Variants in PTPN5 observed in about 807,000 individuals in gnomAD.
The protein encoded by PTPN5 is protein tyrosine phosphatase non-receptor type 5, also known as tyrosine-protein phosphatase non-receptor type 5.
In PTPN5, 29 loss-of-function variants were observed where a neutral mutation model predicts 73.9. The ratio of observed to expected loss-of-function variants is 0.39; its 90% CI spans 0.29 to 0.54. The LOEUF (loss-of-function observed/expected upper bound fraction) is 0.54, where lower values mean the gene tolerates loss of function less well. Among genes scored for constraint, PTPN5 ranks in the 20% least tolerant of loss-of-function variants. The pLI, the probability that PTPN5 is intolerant of heterozygous loss-of-function variation, is 0.65. For synonymous variants in PTPN5, 267 were observed against 304.7 expected (o/e 0.88, Z 1.29); for missense variants, 652 against 751.4 (o/e 0.87, Z 1.55).
intron 1 of PTPN5, among the ~76,000 whole-genome samples, chr11:18,783,549 C>A (rs541598495): frequency 4.6e-5 from 7 of 152,312 alleles, no homozygotes; most frequent in African/African-American, 1.7e-4. Flanking sequence ...GCTGTGCGTA[C>A]CTGAAATAGA....
At chr11:18,744,222 G>A (rs1849512603) in intron 3 of PTPN5, 23 bp from the exon 4 acceptor site, 1 of 1,506,074 alleles carries the variant, frequency 6.6e-7, no homozygotes, top group Admixed American at 2.4e-5. Context: ...GGCCATGCGG[G>A]CCGATGACTC....
At chr11:18,741,635 A>G (rs1464110371) in intron 7 of PTPN5, among the ~76,000 whole-genome samples, 1 of 152,158 alleles carries the variant, frequency 6.6e-6, no homozygotes, top group Non-Finnish European at 1.5e-5. Flanking sequence ...GTGGAACACT[A>G]TGAGCTACCC....
At chr11:18,746,162 A>AATATAAATATATAT (rs1291741015) in intron 3 of PTPN5, among the ~76,000 whole-genome samples, 11 of 67,668 alleles carry the variant, frequency 1.6e-4, no homozygotes, top group Admixed American at 4.9e-4. Context: ...TATAAATATA[A>AATATAAATATATAT]ATATATATAT....
At chr11:18,772,302 G>A (rs1183285800) in intron 1 of PTPN5, among the ~76,000 whole-genome samples, 1 of 152,190 alleles carries the variant, frequency 6.6e-6, no homozygotes, top group Non-Finnish European at 1.5e-5. Context: ...GTTACTCAGA[G>A]TCCTCTTCTG....
In PTPN5 at chr11:18,743,039, G is replaced by A. The variant is rs1380463347; in HGVS notation, c.436C>T (p.Leu146=). Residue 146 remains leucine (L), a synonymous_variant, in exon 6 of 15, where the codon CTG becomes TTG. Coordinates refer to ENST00000358540, the MANE Select transcript of PTPN5 (RefSeq NM_006906.2). ...CCCACGGACAGAAAGACCAGCAGCA[G>A]ACTGGGGACTCCCCACGTCCCAGAG... ...LDSGTWGVPS[L]LLVFLSVGLV... 6.4e-7 allele frequency: 1 copy of A among 1,551,764 alleles called. No homozygotes were observed. Among genetic ancestry groups the A allele is most frequent in the Non-Finnish European group, 8.7e-7 (1 of 1,147,046 alleles).
intron 4 of PTPN5, 56 bp downstream of exon 4, chr11:18,743,950 G>A: frequency 6.6e-7 from 1 of 1,511,400 alleles, no homozygotes; most frequent in Admixed American, 2.5e-5. Context: ...GAAGTGGGAG[G>A]CTGGCCCTCC....
Position 18,762,690 on chromosome 11 carries a change from A to G in PTPN5, c.97+3117T>C, listed in dbSNP as rs138298605. ...TTTCCTTAATAGCAAATGTCTGTACAGCATTTGCTATATGCCAGGCACTGT... is the reference window on the plus strand; with the variant it reads ...TTTCCTTAATAGCAAATGTCTGTACGGCATTTGCTATATGCCAGGCACTGT... On this transcript the variant is annotated intron_variant, in intron 3 of 14. Coordinates refer to ENST00000358540, the MANE Select transcript of PTPN5 (RefSeq NM_006906.2). Among the ~76,000 whole-genome samples the G allele has an allele frequency of 2.6e-5, 4 of 152,352 alleles. No individual in the cohort carries two copies. The East Asian group carries it at 7.7e-4, about 29-fold the overall frequency.
intron 2 of PTPN5, among the ~76,000 whole-genome samples, chr11:18,770,353 G>C (rs1357392935): frequency 6.6e-6 from 1 of 152,068 alleles, no homozygotes; most frequent in Non-Finnish European, 1.5e-5. Context: ...TGTCTCTATG[G>C]GTTTGCCTAT....
intron 4 of PTPN5, 91 bp downstream of exon 4, chr11:18,743,915 C>T: frequency 6.9e-7 from 1 of 1,442,666 alleles, no homozygotes; most frequent in Non-Finnish European, 9.2e-7. Flanking sequence ...TATCCTCCTG[C>T]CTTCCAGGTG....
At chr11:18,755,640 T>C (rs1198000280) in intron 3 of PTPN5, among the ~76,000 whole-genome samples, 2 of 151,948 alleles carry the variant, frequency 1.3e-5, no homozygotes, top group African/African-American at 4.8e-5. Flanking sequence ...CAATTCCAAA[T>C]GGTCTTGCTT....
At chr11:18,785,518 T>TAGCATGGAGTATG (rs1851629025) in intron 1 of PTPN5, among the ~76,000 whole-genome samples, 1 of 152,242 alleles carries the variant, frequency 6.6e-6, no homozygotes. Context: ...GTTTGTTCTC[T>TAGCATGGAGTATG]AGCATGGAGT....
intron 9 of PTPN5, among the ~76,000 whole-genome samples, chr11:18,736,487 G>A (rs1370909969): frequency 2.0e-5 from 3 of 152,212 alleles, no homozygotes; most frequent in Non-Finnish European, 4.4e-5. Flanking sequence ...CAGAGTCTGT[G>A]TCCTATTTAT....
chr11:18,781,282 TATC>T (rs1181041126), intron 1 of PTPN5, among the ~76,000 whole-genome samples: 2 of 150,886 alleles, frequency 1.3e-5, no homozygotes, highest in Non-Finnish European at 2.9e-5. Context: ...AGTTTACATT[TATC>T]ATCTGTAGCC....
rs1273973649 is a variant in PTPN5, at chr11:18,742,775, C to T, written c.483+217G>A. Among the ~76,000 whole-genome samples the T allele has an allele frequency of 6.6e-6, 1 of 152,194 alleles. No homozygotes were observed. The highest frequency in any genetic ancestry group is 2.4e-5 in the African/African-American group (1 of 41,442). On this transcript the variant is annotated intron_variant, in intron 6 of 14. Transcript: ENST00000358540. This position sits in a 1 kb window ranked among gnomAD's most constrained non-coding sequence, Gnocchi z 4.1. ...GGGAGTTCCTACACCAGTCTTCTCC[C>T]TGTCTCATCCCCTTTCCTTAGCCCA... is the stretch of plus-strand genomic sequence containing the variant.
intron 1 of PTPN5, among the ~76,000 whole-genome samples, chr11:18,790,970 GT>G (rs1418108465): frequency 6.6e-6 from 1 of 152,164 alleles, no homozygotes; most frequent in Admixed American, 6.5e-5. Flanking sequence ...GCAATCTCCG[GT>G]TTTGCAGGAG....
At chr11:18,751,607 C>T (rs1004357746) in intron 3 of PTPN5, among the ~76,000 whole-genome samples, 3 of 152,160 alleles carry the variant, frequency 2.0e-5, no homozygotes, top group African/African-American at 4.8e-5. Flanking sequence ...AAGTCCATCT[C>T]GGATGGTAAG....
intron 3 of PTPN5, among the ~76,000 whole-genome samples, chr11:18,760,494 G>A (rs565154665): frequency 7.9e-5 from 12 of 152,326 alleles, no homozygotes; most frequent in African/African-American, 2.6e-4. Flanking sequence ...CCTAGGGCTG[G>A]GTTGGGGACA....
Position 18,790,748 on chromosome 11 carries a change from G to A in PTPN5, c.-114+777C>T, listed in dbSNP as rs1361669074. On this transcript the variant is annotated intron_variant, in intron 1 of 14. Transcript: ENST00000358540. Reference sequence around the variant, plus strand: ...ATGTGGGTGGGATCTAGTTGTGTAGGAGGGGAGCATGAGTATGAAAACCAG... The same window carrying A: ...ATGTGGGTGGGATCTAGTTGTGTAGAAGGGGAGCATGAGTATGAAAACCAG... 2.0e-5 allele frequency among the ~76,000 whole-genome samples: 3 copies of A among 152,112 alleles called. No individual in the cohort carries two copies. In the East Asian group the frequency reaches 5.8e-4, roughly 29 times the overall value.
rs1236203789 is a variant in PTPN5 at position 18,765,844 on chromosome 11, T to C, written c.60A>G (p.Gly20=). 2 of 1,582,166 alleles carry C rather than the reference T, an allele frequency of 1.3e-6. No homozygotes were observed. Among genetic ancestry groups the C allele is most frequent in the Admixed American group, 1.8e-5 (1 of 55,400 alleles). Residue 20 remains glycine (G), a synonymous_variant, in exon 3 of 15, where the codon GGA becomes GGG. Coordinates refer to ENST00000358540, the MANE Select transcript of PTPN5 (RefSeq NM_006906.2). ...RENHAADDSE[G]GALDMCCSER... ...CACTGCAGCACATGTCCAGGGCCCC[T>C]CCCTCGGAGTCATCAGCAGCGTGGT... is the stretch of plus-strand genomic sequence containing the variant.
Sources: allele counts gnomAD v4.1 joint callset (sites outside exome capture counted in the v4.1 genomes callset), GRCh38; gene constraint gnomAD v4.1.1; non-coding constraint Gnocchi (gnomAD v3.1); transcripts MANE v1.5; gene names NCBI Gene and HGNC (gene_info 2026-07-23, HGNC 2026-07-21).